Variants in RIT2 observed in about 807,000 individuals in gnomAD.
RIT2 encodes the protein Ras like without CAAX 2.
A neutral mutation model predicts 23.7 loss-of-function variants in RIT2; 24 were observed. That is an observed-to-expected ratio of 1.01 (90% CI 0.73 to 1.43). The LOEUF is 1.43. Among genes scored for constraint, RIT2 ranks in the 40% most tolerant of loss-of-function variants. The probability of loss-of-function intolerance (pLI) is 0.00; values close to 1 mark genes in which losing one functional copy is unlikely to be tolerated. For synonymous variants in RIT2, 107 were observed against 91.1 expected, an observed-to-expected ratio of 1.17 and a Z score of -0.99; for missense variants, 236 against 266.9, an observed-to-expected ratio of 0.88 and a Z score of 0.81.
chr18:42,790,145 A>G (rs1438990937), intron 4 of RIT2, among the ~76,000 whole-genome samples: 2 of 152,318 alleles, frequency 1.3e-5, no homozygotes, highest in Admixed American at 1.3e-4. Context: ...TCTTTCACAT[A>G]GAATCTTTAC....
chr18:42,921,342 G>A (rs1241880770), intron 4 of RIT2, among the ~76,000 whole-genome samples: 2 of 152,094 alleles, frequency 1.3e-5, no homozygotes, highest in Non-Finnish European at 2.9e-5. Flanking sequence ...TGACTATCTT[G>A]TTTACAGTAC....
intron 4 of RIT2, among the ~76,000 whole-genome samples, chr18:42,770,759 G>C (rs1913532109): frequency 6.7e-6 from 1 of 150,138 alleles, no homozygotes; most frequent in African/African-American, 2.5e-5. Context: ...AGTTGAGACT[G>C]TTCAATACAA....
intron 4 of RIT2, among the ~76,000 whole-genome samples, chr18:42,759,007 A>C (rs149429320): frequency 6.6e-6 from 1 of 152,274 alleles, no homozygotes; most frequent in Non-Finnish European, 1.5e-5. Context: ...TCCAGCTTGC[A>C]GATTGCAGAT....
At chr18:42,987,291 T>A (rs1442460526) in intron 2 of RIT2, among the ~76,000 whole-genome samples, 1 of 152,160 alleles carries the variant, frequency 6.6e-6, no homozygotes, top group Non-Finnish European at 1.5e-5. Flanking sequence ...TAATAATAGA[T>A]GTGATGTGAG....
At chr18:42,898,307 T>A (rs1018597957) in intron 4 of RIT2, among the ~76,000 whole-genome samples, 5 of 152,034 alleles carry the variant, frequency 3.3e-5, no homozygotes, top group African/African-American at 1.2e-4. Context: ...GTCATGAGAA[T>A]TGCTTGAACC....
intron 3 of RIT2, among the ~76,000 whole-genome samples, chr18:42,969,872 A>C (rs1910322251): frequency 6.6e-6 from 1 of 152,006 alleles, no homozygotes. Context: ...CCAGTATCAA[A>C]ATTTGTGCAC....
chr18:42,927,983 A>C (rs187894017), intron 3 of RIT2, among the ~76,000 whole-genome samples: 5 of 152,010 alleles, frequency 3.3e-5, no homozygotes, highest in African/African-American at 1.2e-4. Flanking sequence ...TAGCAGTACT[A>C]CAAAGATATG....
chr18:42,950,255 C>G (rs549709797), intron 3 of RIT2, among the ~76,000 whole-genome samples: 2 of 152,098 alleles, frequency 1.3e-5, no homozygotes, highest in Middle Eastern at 3.4e-3. Context: ...AAGCTGCACA[C>G]CTACACCATC....
chr18:42,967,425 A>G (rs1375503810), intron 3 of RIT2, among the ~76,000 whole-genome samples: 1 of 151,756 alleles, frequency 6.6e-6, no homozygotes, highest in African/African-American at 2.4e-5. Flanking sequence ...GCTGGAGTGC[A>G]GTGGCGTGAT....
chr18:42,992,074 C>T (rs79993953), intron 2 of RIT2, among the ~76,000 whole-genome samples: 2 of 152,062 alleles, frequency 1.3e-5, no homozygotes, highest in Non-Finnish European at 2.9e-5. Context: ...TAAGAACCCC[C>T]TAACTCCTTC....
chr18:42,743,799 G>C (rs1430922), intron 4 of RIT2, 79 bp from the exon 5 acceptor site: 97,290 of 1,117,294 alleles, frequency 0.087, 4,806 homozygotes, highest in Non-Finnish European at 0.1. Context: ...TACTAGAGCT[G>C]TGTGTCAGGC....
chr18:42,747,515 C>T (rs1466096019), intron 4 of RIT2, among the ~76,000 whole-genome samples: 4 of 151,798 alleles, frequency 2.6e-5, no homozygotes, highest in South Asian at 2.1e-4. Flanking sequence ...AAAACACCAC[C>T]GTCATTCTTC....
At chr18:42,806,034 G>T (rs1302989554) in intron 4 of RIT2, among the ~76,000 whole-genome samples, 1 of 150,028 alleles carries the variant, frequency 6.7e-6, no homozygotes, top group South Asian at 2.1e-4. Flanking sequence ...AGTGTTTTAG[G>T]TTCACGTCTC....
intron 4 of RIT2, among the ~76,000 whole-genome samples, chr18:42,890,115 C>T (rs77527822): frequency 0.016 from 2,372 of 151,974 alleles, 80 homozygotes; most frequent in African/African-American, 0.054. Context: ...ACTGAGATGA[C>T]CTCAGGAAAA....
chr18:43,078,831 G>A (rs1157038747), intron 1 of RIT2, among the ~76,000 whole-genome samples: 2 of 152,082 alleles, frequency 1.3e-5, no homozygotes, highest in Admixed American at 1.3e-4. Flanking sequence ...TTTTATCTCA[G>A]CTGCATCAAT....
chr18:43,006,028 C>T (rs749589432), intron 2 of RIT2, among the ~76,000 whole-genome samples: 14 of 151,236 alleles, frequency 9.3e-5, no homozygotes, highest in African/African-American at 2.9e-4. Flanking sequence ...CAAAAGCCCA[C>T]GCTGAGAATA....
chr18:43,052,957 T>C (rs1299850534), intron 1 of RIT2, among the ~76,000 whole-genome samples: 2 of 151,974 alleles, frequency 1.3e-5, no homozygotes, highest in Non-Finnish European at 2.9e-5. Context: ...ATAGATACTA[T>C]TTCATGCGGA....
At chr18:42,837,173 T>C (rs1906635894) in intron 4 of RIT2, among the ~76,000 whole-genome samples, 1 of 110,770 alleles carries the variant, frequency 9.0e-6, no homozygotes, top group African/African-American at 4.2e-5. Context: ...TTTTTTTTTT[T>C]TTTTTTTTTT....
chr18:42,793,003 C>T (rs1185562603), intron 4 of RIT2, among the ~76,000 whole-genome samples: 1 of 151,912 alleles, frequency 6.6e-6, no homozygotes, highest in Admixed American at 6.6e-5. Flanking sequence ...AAGGGAAATA[C>T]TGAAAGTTAG....
Sources: allele counts gnomAD v4.1 joint callset (sites outside exome capture counted in the v4.1 genomes callset), GRCh38; gene constraint gnomAD v4.1.1; transcripts MANE v1.5; gene names NCBI Gene and HGNC (gene_info 2026-07-23, HGNC 2026-07-21).